PCDHGA9: variants seen among roughly 807,000 people sequenced by gnomAD.
PCDHGA9 encodes the protein protocadherin gamma-A9.
A neutral mutation model predicts 62.5 loss-of-function variants in PCDHGA9; 37 were observed. The ratio of observed to expected loss-of-function variants is 0.59; its 90% CI spans 0.46 to 0.78. PCDHGA9 has a LOEUF of 0.78. Among genes scored for constraint, PCDHGA9 ranks in the 30% least tolerant of loss-of-function variants. PCDHGA9 has a pLI of 0.00. For synonymous variants in PCDHGA9, 459 were observed against 484.6 expected, an observed-to-expected ratio of 0.95 and a Z score of 0.69; for missense variants, 1,138 against 1,166.2, an observed-to-expected ratio of 0.98 and a Z score of 0.35.
At position 141,489,664 on chromosome 5, in the gene PCDHGA9, A is replaced by G. The variant is rs745597010; in HGVS notation, c.2425-5143A>G. On this transcript the variant is annotated intron_variant, in intron 1 of 3. Transcript: ENST00000573521. The surrounding 1 kb of genome is among the most constrained non-coding windows in gnomAD (Gnocchi z 4.5). ...TGCCACCCCTGAGCGAGAGATGCGCATCTCAGAATCAGCAGCATCTGGGGC... is the reference window on the plus strand; with the variant it reads ...TGCCACCCCTGAGCGAGAGATGCGCGTCTCAGAATCAGCAGCATCTGGGGC... 1 of 1,614,106 alleles carries G rather than the reference A, an allele frequency of 6.2e-7. No homozygotes were observed. The highest frequency in any genetic ancestry group is 8.5e-7 in the Non-Finnish European group (1 of 1,180,050).
Position 141,490,711 on chromosome 5 carries a change from T to C in PCDHGA9, c.2425-4096T>C. ...CACTGGGGATAATGCCCGCCTCACC[T>C]ACTCCATTGTAGGAAATCAGGTTCA... On this transcript the variant is annotated intron_variant, in intron 1 of 3. Transcript: ENST00000573521. The surrounding 1 kb of genome is among the most constrained non-coding windows in gnomAD (Gnocchi z 5.4). The C allele has an allele frequency of 6.2e-7, 1 of 1,614,200 alleles. No individual in the cohort carries two copies. Among genetic ancestry groups the C allele is most frequent in the Non-Finnish European group, 8.5e-7 (1 of 1,180,002 alleles).
At chr5:141,450,489 CTG>C (rs2098682348) in intron 1 of PCDHGA9, among the ~76,000 whole-genome samples, 1 of 150,280 alleles carries the variant, frequency 6.7e-6, no homozygotes, top group Admixed American at 6.6e-5. Context: ...GTTTGTTTGT[CTG>C]TTTGTTTGTT....
intron 2 of PCDHGA9, among the ~76,000 whole-genome samples, chr5:141,500,666 G>A (rs567881941): frequency 3.6e-4 from 55 of 152,250 alleles, no homozygotes; most frequent in African/African-American, 1.3e-3. Context: ...AGGCCATACT[G>A]TCCAACAGAA....
chr5:141,439,212 T>G (rs1391791892), intron 1 of PCDHGA9, among the ~76,000 whole-genome samples: 1 of 150,642 alleles, frequency 6.6e-6, no homozygotes, highest in Non-Finnish European at 1.5e-5. Context: ...AAAATCCATA[T>G]GTGAAAATTC....
At chr5:141,434,843 G>C (rs1302739038) in intron 1 of PCDHGA9, among the ~76,000 whole-genome samples, 2 of 151,746 alleles carry the variant, frequency 1.3e-5, no homozygotes, top group African/African-American at 4.8e-5. Flanking sequence ...TTATAAAGCA[G>C]ACATCAATAA....
At chr5:141,506,962 G>A (rs2099857578) in intron 3 of PCDHGA9, 1 of 152,196 alleles carries the variant, frequency 6.6e-6, no homozygotes, top group Non-Finnish European at 1.5e-5. Context: ...CCTCTCAATA[G>A]CTCTGCAAGG....
intron 1 of PCDHGA9, chr5:141,405,580 G>T: frequency 1.7e-6 from 1 of 591,996 alleles, no homozygotes; most frequent in South Asian, 2.1e-5. Flanking sequence ...GAGTAGCTGG[G>T]ACTACAGGCC....
rs1031624761 is a variant in PCDHGA9 at position 141,433,138 on chromosome 5, G to A, written c.2424+27762G>A. The A allele has an allele frequency of 2.5e-6, 4 of 1,614,038 alleles. No individual in the cohort carries two copies. In the Admixed American group the frequency reaches 6.7e-5, roughly 27 times the overall value. On this transcript the variant is annotated intron_variant, in intron 1 of 3. Coordinates refer to ENST00000573521, the MANE Select transcript of PCDHGA9 (RefSeq NM_018921.3). ...TTGAAAAAAGCGAGCCCCTTTTGCT[G>A]TCAGGTGATTCGGTATTTTCTAAAG...
intron 1 of PCDHGA9, chr5:141,422,970 C>T (rs1348343583): frequency 1.2e-6 from 2 of 1,614,246 alleles, no homozygotes; most frequent in East Asian, 2.2e-5. Flanking sequence ...TGGCGCCCCG[C>T]TCTGCGGAAC....
chr5:141,420,415 T>A, intron 1 of PCDHGA9: 1 of 1,217,296 alleles, frequency 8.2e-7, no homozygotes, highest in Non-Finnish European at 1.1e-6. Context: ...TTATCATTAT[T>A]AAAACAAAAG....
chr5:141,410,174 G>A (rs1369332920), intron 1 of PCDHGA9: 4 of 1,613,588 alleles, frequency 2.5e-6, no homozygotes, highest in East Asian at 2.2e-5. Flanking sequence ...CTCTGCCACC[G>A]CCACGCTTCA....
chr5:141,441,102 C>A (rs1057297804), intron 1 of PCDHGA9: 2 of 152,148 alleles, frequency 1.3e-5, no homozygotes, highest in Non-Finnish European at 2.9e-5. Flanking sequence ...GAGAGGGACT[C>A]ATTGTCCAGT....
At chr5:141,469,951 T>G (rs1467717372) in intron 1 of PCDHGA9, among the ~76,000 whole-genome samples, 2 of 152,034 alleles carry the variant, frequency 1.3e-5, no homozygotes, top group African/African-American at 4.8e-5. Context: ...GCCAGCATGG[T>G]GAAACCCCAT....
intron 1 of PCDHGA9, among the ~76,000 whole-genome samples, chr5:141,425,103 A>G (rs894147422): frequency 1.3e-5 from 2 of 152,202 alleles, no homozygotes; most frequent in Non-Finnish European, 2.9e-5. Flanking sequence ...CTTCCAACAG[A>G]TGCCTACATT....
intron 1 of PCDHGA9, chr5:141,429,276 T>C (rs748800169): frequency 6.6e-5 from 10 of 152,228 alleles, no homozygotes; most frequent in Non-Finnish European, 1.2e-4. Flanking sequence ...TTTTTTCCTG[T>C]GATGTTTCTT....
Position 141,431,980 on chromosome 5 carries a change from C to G in PCDHGA9, c.2424+26604C>G. The G allele has an allele frequency of 6.2e-7, 1 of 1,614,214 alleles. No homozygotes were observed. The highest frequency in any genetic ancestry group is 8.5e-7 in the Non-Finnish European group (1 of 1,180,024). ...GAAATTACTATAGTTTAGTCACAGACATAGTCTTGGATAGGGAACAGGTTC... is the reference window on the plus strand; with the variant it reads ...GAAATTACTATAGTTTAGTCACAGAGATAGTCTTGGATAGGGAACAGGTTC... On this transcript the variant is annotated intron_variant, in intron 1 of 3. Transcript: ENST00000573521. The surrounding 1 kb of genome is among the most constrained non-coding windows in gnomAD (Gnocchi z 4.8).
chr5:141,427,693 C>A, intron 1 of PCDHGA9: 2 of 909,726 alleles, frequency 2.2e-6, no homozygotes, highest in East Asian at 2.5e-5. Context: ...GCCTCCATCC[C>A]ACAAGTCAGC....
At chr5:141,469,721 A>G (rs1238006043) in intron 1 of PCDHGA9, among the ~76,000 whole-genome samples, 5 of 152,270 alleles carry the variant, frequency 3.3e-5, no homozygotes, top group African/African-American at 1.2e-4. Context: ...TTAGGAATTT[A>G]TCATAAATAC....
rs368795324 is a variant in PCDHGA9, at chr5:141,404,524, G to C, written c.1572G>C (p.Gln524His). 3 of 1,613,938 alleles carry C rather than the reference G, an allele frequency of 1.9e-6. No individual in the cohort carries two copies. The highest frequency in any genetic ancestry group is 2.5e-6 in the Non-Finnish European group (3 of 1,179,810). Residue 524 changes from glutamine (Q) to histidine (H), a missense_variant, in exon 1 of 4, where the codon CAG becomes CAC. Gln to His is a conservative substitution (Grantham distance 24). Coordinates refer to ENST00000573521, the MANE Select transcript of PCDHGA9 (RefSeq NM_018921.3). ...CTCTGTGCTCCTTTGACTATGAGCA[G>C]TTTAGAGATTTGCAAATGCAGGTGA... ...LYALCSFDYE[Q>H]FRDLQMQVTA...
Sources: allele counts gnomAD v4.1 joint callset (sites outside exome capture counted in the v4.1 genomes callset), GRCh38; gene constraint gnomAD v4.1.1; non-coding constraint Gnocchi (gnomAD v3.1); transcripts MANE v1.5; gene names NCBI Gene and HGNC (gene_info 2026-07-23, HGNC 2026-07-21).